CPEB1: variants seen among roughly 807,000 people sequenced by gnomAD.
The protein encoded by CPEB1 is cytoplasmic polyadenylation element-binding protein 1.
In CPEB1, 7 loss-of-function variants were observed where a neutral mutation model predicts 65.8. The ratio of observed to expected loss-of-function variants is 0.11; its 90% CI spans 0.06 to 0.20. The LOEUF is 0.20. CPEB1 is among the 10% of genes least tolerant of loss of function. The pLI, the probability that CPEB1 is intolerant of heterozygous loss-of-function variation, is 1.00. For missense variants in CPEB1, 551 were observed against 712.2 expected (o/e 0.77, Z 2.58); for synonymous variants, 262 against 260.0 (o/e 1.01, Z -0.08).
chr15:82,620,908 G>C (rs948738177), intron 3 of CPEB1, among the ~76,000 whole-genome samples: 9 of 152,190 alleles, frequency 5.9e-5, no homozygotes, highest in African/African-American at 2.2e-4. Context: ...CATGTGACTA[G>C]TTATACAAGA....
intron 3 of CPEB1, among the ~76,000 whole-genome samples, chr15:82,604,009 A>G (rs749021219): frequency 9.9e-5 from 15 of 152,264 alleles, no homozygotes; most frequent in Non-Finnish European, 1.8e-4. Context: ...CAGACATTAC[A>G]TGTATTAGAC....
chr15:82,648,059 C>T, upstream of CPEB1: 1 of 404,038 alleles, frequency 2.5e-6, no homozygotes, highest in South Asian at 1.3e-4. Context: ...GTGTCGGCCC[C>T]GCCCGGGCCC....
chr15:82,602,827 A>G (rs1404139087), intron 3 of CPEB1, among the ~76,000 whole-genome samples: 1 of 152,224 alleles, frequency 6.6e-6, no homozygotes, highest in Admixed American at 6.5e-5. Context: ...CCTGGGCGAC[A>G]GAGCAACCCT....
At chr15:82,579,091 AG>A (rs757800701) in intron 3 of CPEB1, among the ~76,000 whole-genome samples, 1 of 152,122 alleles carries the variant, frequency 6.6e-6, no homozygotes, top group Non-Finnish European at 1.5e-5. Context: ...CCAAAGTGCT[AG>A]GATCACAGGC....
At chr15:82,587,535 T>C (rs867463953) in intron 3 of CPEB1, among the ~76,000 whole-genome samples, 23 of 152,292 alleles carry the variant, frequency 1.5e-4, no homozygotes, top group African/African-American at 5.3e-4. Flanking sequence ...AGACGACAGC[T>C]GCATGAAGAT....
At chr15:82,568,023 A>G (rs2039431593) in intron 4 of CPEB1, among the ~76,000 whole-genome samples, 1 of 152,154 alleles carries the variant, frequency 6.6e-6, no homozygotes, top group African/African-American at 2.4e-5. Context: ...AATAGCCCCT[A>G]TAGTAGTATA....
intron 3 of CPEB1, among the ~76,000 whole-genome samples, chr15:82,572,441 C>T (rs2151058771): frequency 6.6e-6 from 1 of 152,226 alleles, no homozygotes; most frequent in Middle Eastern, 3.4e-3. Flanking sequence ...CCTCAAAGGA[C>T]ATGGCCCACA....
intron 3 of CPEB1, among the ~76,000 whole-genome samples, chr15:82,613,262 T>C (rs1357998032): frequency 2.0e-5 from 3 of 152,246 alleles, no homozygotes; most frequent in Non-Finnish European, 2.9e-5. Flanking sequence ...ACTTTGGTAT[T>C]CTTTCCTGAA....
intron 3 of CPEB1, among the ~76,000 whole-genome samples, chr15:82,584,903 C>CTTTTTTTTGTTTTTTTTTTTT (rs2041646039): frequency 1.2e-5 from 1 of 81,742 alleles, no homozygotes; most frequent in African/African-American, 5.9e-5. Flanking sequence ...TCCTAATTTG[C>CTTTTTTTTGTTTTTTTTTTTT]TTTTTTTTTT....
At chr15:82,640,561 AC>A (rs1596145998) in intron 1 of CPEB1, 1 of 152,208 alleles carries the variant, frequency 6.6e-6, no homozygotes, top group Non-Finnish European at 1.5e-5. Context: ...TTTGGCAATA[AC>A]CTTTAAATCT....
intron 10 of CPEB1, chr15:82,548,630 C>T: frequency 2.3e-6 from 1 of 431,346 alleles, no homozygotes; most frequent in Non-Finnish European, 4.7e-6. Context: ...AGGGTAAGCC[C>T]AGCAGTTGAA....
chr15:82,620,917 G>A (rs530890577), intron 3 of CPEB1, among the ~76,000 whole-genome samples: 2 of 152,290 alleles, frequency 1.3e-5, no homozygotes, highest in Non-Finnish European at 2.9e-5. Flanking sequence ...AGTTATACAA[G>A]ATGTGTTCAG....
At chr15:82,611,925 C>T (rs185659428) in intron 3 of CPEB1, among the ~76,000 whole-genome samples, 98 of 151,110 alleles carry the variant, frequency 6.5e-4, no homozygotes, top group African/African-American at 2.2e-3. Flanking sequence ...AAAAAGCAAA[C>T]GTAATGTTAA....
At chr15:82,613,334 A>T (rs2044359225) in intron 3 of CPEB1, among the ~76,000 whole-genome samples, 1 of 152,194 alleles carries the variant, frequency 6.6e-6, no homozygotes, top group Non-Finnish European at 1.5e-5. Flanking sequence ...AGAAAAGCTG[A>T]TATAATTTAA....
chr15:82,582,694 T>C (rs568257969), intron 3 of CPEB1, among the ~76,000 whole-genome samples: 2 of 150,718 alleles, frequency 1.3e-5, no homozygotes, highest in African/African-American at 4.9e-5. Context: ...TGCACTCAGG[T>C]CCCCATACTG....
chr15:82,570,172 C>CA (rs2039794637), intron 4 of CPEB1, among the ~76,000 whole-genome samples: 1 of 152,152 alleles, frequency 6.6e-6, no homozygotes, highest in Non-Finnish European at 1.5e-5. Flanking sequence ...AACAACTGGG[C>CA]ATTAAAATGC....
intron 3 of CPEB1, among the ~76,000 whole-genome samples, chr15:82,586,555 A>C (rs1192973456): frequency 6.6e-6 from 1 of 152,210 alleles, no homozygotes; most frequent in Non-Finnish European, 1.5e-5. Flanking sequence ...GTCAGAACCA[A>C]AAGTTACCTA....
chr15:82,624,833 C>CTT (rs5814121), intron 3 of CPEB1, among the ~76,000 whole-genome samples: 8 of 148,518 alleles, frequency 5.4e-5, no homozygotes, highest in Admixed American at 1.3e-4. Flanking sequence ...GAGTGTCATA[C>CTT]TTTTTTTTTT....
intron 3 of CPEB1, among the ~76,000 whole-genome samples, chr15:82,607,954 G>T (rs919803338): frequency 2.0e-5 from 3 of 152,166 alleles, no homozygotes; most frequent in Admixed American, 2.0e-4. Context: ...CTTAGAACCA[G>T]TAAGTTTCCC....
Sources: gnomAD v4.1 joint callset for allele counts (sites outside exome capture counted in the v4.1 genomes callset) on GRCh38, gnomAD v4.1.1 for gene constraint, MANE v1.5 for transcripts, NCBI Gene and HGNC (gene_info 2026-07-23, HGNC 2026-07-21) for gene names.